RNASEL: variants seen among roughly 807,000 people sequenced by gnomAD.
RNASEL encodes 2-5A-dependent ribonuclease.
Under a neutral mutation model 50.9 loss-of-function variants are expected in RNASEL, and 36 were observed. The observed-to-expected ratio is 0.71, with a 90% CI of 0.54 to 0.93. The LOEUF is 0.93. Among genes scored for constraint, RNASEL ranks in the 40% least tolerant of loss-of-function variants. The probability of loss-of-function intolerance (pLI) is 0.00; values close to 1 mark genes in which losing one functional copy is unlikely to be tolerated. For synonymous variants in RNASEL, 335 were observed against 335.6 expected (o/e 1.00, Z 0.02); for missense variants, 860 against 894.5 (o/e 0.96, Z 0.49).
intron 2 of RNASEL, 98 bp downstream of exon 2, chr1:182,585,229 A>AGGCCTTTT: frequency 8.5e-7 from 1 of 1,179,914 alleles, no homozygotes; most frequent in Non-Finnish European, 1.2e-6. Context: ...AATCATCCAC[A>AGGCCTTTT]TTTACTCTAG....
intron 1 of RNASEL, among the ~76,000 whole-genome samples, chr1:182,588,921 T>G (rs1394622718): frequency 6.6e-6 from 1 of 152,234 alleles, no homozygotes; most frequent in Non-Finnish European, 1.5e-5. Flanking sequence ...TCACTTTCTC[T>G]GTGCGACCTG....
intron 3 of RNASEL, 39 bp downstream of exon 3, chr1:182,584,042 A>C (rs200633805): frequency 6.9e-7 from 1 of 1,452,372 alleles, no homozygotes; most frequent in Non-Finnish European, 9.7e-7. Flanking sequence ...AGAATAAGGA[A>C]GCAGAAAGAA....
chr1:182,575,451 T>G lies in RNASEL; in HGVS notation c.2167A>C (p.Asn723His). 1 of 1,614,158 alleles carries G rather than the reference T, an allele frequency of 6.2e-7. No individual in the cohort carries two copies. Among genetic ancestry groups the G allele is most frequent in the Non-Finnish European group, 8.5e-7 (1 of 1,180,016 alleles). Residue 723 changes from asparagine to histidine, a missense_variant, in exon 7 of 7, where the codon AAC (asparagine) becomes CAC (histidine). Asn to His is a moderately conservative substitution (Grantham distance 68). Transcript: ENST00000367559. ...RKHFPQTHSP[N>H]KPQCDGAGGA... ...CCAGCTCCATCACACTGAGGCTTGT[T>G]TGGACTGTGGGTTTGGGGGAAATGC... is the stretch of plus-strand genomic sequence containing the variant.
Position 182,576,316 on chromosome 1 carries a change from C to A in RNASEL, c.1979G>T (p.Gly660Val), listed in dbSNP as rs952869644. The A allele has an allele frequency of 6.2e-7, 1 of 1,611,712 alleles. No homozygotes were observed. The highest frequency in any genetic ancestry group is 1.3e-5 in the African/African-American group (1 of 74,836). Reference sequence around the variant, plus strand: ...ATTCCGGATGAACTTTAGCAGATCACCCACAGTGTTCTGGTAGAAATTGCC... The same window carrying A: ...ATTCCGGATGAACTTTAGCAGATCAACCACAGTGTTCTGGTAGAAATTGCC... The part of the protein sequence containing the change: ...KRGNFYQNTV[G>V]DLLKFIRNLG... The change falls in exon 6 of 7, where the codon GGT becomes GTT. Residue 660 changes from glycine to valine, a missense_variant. Coordinates refer to ENST00000367559, the MANE Select transcript of RNASEL (RefSeq NM_021133.4).
chr1:182,580,225 C>A (rs1238098428), intron 5 of RNASEL, among the ~76,000 whole-genome samples: 1 of 152,240 alleles, frequency 6.6e-6, no homozygotes, highest in Admixed American at 6.5e-5. Context: ...CATGGCACAT[C>A]TACTCCATGC....
At chr1:182,578,344 G>C (rs1339402217) in intron 5 of RNASEL, 1 of 152,106 alleles carries the variant, frequency 6.6e-6, no homozygotes, top group Non-Finnish European at 1.5e-5. Flanking sequence ...TTTCTCAAAA[G>C]AAGACGTACA....
At chr1:182,582,640 C>T (rs915373665) in intron 3 of RNASEL, among the ~76,000 whole-genome samples, 1 of 152,136 alleles carries the variant, frequency 6.6e-6, no homozygotes, top group Admixed American at 6.5e-5. Context: ...GAGGCTATGT[C>T]ACGCAGCAAA....
At chr1:182,581,465 TTTTC>T (rs1661494679) in intron 4 of RNASEL, 108 bp from the exon 5 acceptor site, 15 of 1,184,504 alleles carry the variant, frequency 1.3e-5, no homozygotes, top group Middle Eastern at 2.8e-4. Flanking sequence ...CTTTCTTGGT[TTTTC>T]TTTCTTTTTT....
chr1:182,576,195 T>C (rs138584961), intron 6 of RNASEL, 61 bp downstream of exon 6: 10 of 1,539,404 alleles, frequency 6.5e-6, no homozygotes, highest in Middle Eastern at 1.8e-4. Context: ...AAACTTAGAA[T>C]TGGATTTTTT....
intron 4 of RNASEL, 47 bp from the exon 5 acceptor site, chr1:182,581,404 C>T: frequency 6.2e-7 from 1 of 1,612,202 alleles, no homozygotes. Context: ...TCCCATCCCT[C>T]CCTTTCCTTT....
At position 182,574,549 on chromosome 1, in the gene RNASEL, A is replaced by G. The variant is rs945888878; in HGVS notation, c.*843T>C. ...CCTTAAGTCAGGTTTTCTCAACCTCAGCACCATTGATATTTTTGTCTGGAT... is the reference window on the plus strand; with the variant it reads ...CCTTAAGTCAGGTTTTCTCAACCTCGGCACCATTGATATTTTTGTCTGGAT... On this transcript the variant is annotated 3_prime_UTR_variant, in exon 7 of 7. Transcript: ENST00000367559. 4.3e-6 allele frequency: 1 copy of G among 232,552 alleles called. No individual in the cohort carries two copies. The highest frequency in any genetic ancestry group is 2.2e-5 in the African/African-American group (1 of 45,288). 14.4% of individuals were successfully genotyped at this position (232,552 alleles called of 1,614,324 possible).
At chr1:182,580,091 C>T (rs186259920) in intron 5 of RNASEL, 13 of 397,108 alleles carry the variant, frequency 3.3e-5, no homozygotes, top group African/African-American at 2.5e-4. Context: ...ACTATGGCTG[C>T]CACATAATCA....
At chr1:182,587,323 A>C (rs950751044) in intron 1 of RNASEL, among the ~76,000 whole-genome samples, 1 of 152,122 alleles carries the variant, frequency 6.6e-6, no homozygotes, top group Non-Finnish European at 1.5e-5. Context: ...ATGACTATGT[A>C]ATATGAAATC....
rs202196654 is a variant in RNASEL, at chr1:182,575,449, G to A, written c.2169C>T (p.Asn723=). 5.6e-6 allele frequency: 9 copies of A among 1,614,202 alleles called. No homozygotes were observed. The East Asian group carries it at 2.0e-4, about 36-fold the overall frequency. The change falls in exon 7 of 7, where the codon AAC becomes AAT. Residue 723 remains asparagine (N), a synonymous_variant. Coordinates refer to ENST00000367559, the MANE Select transcript of RNASEL (RefSeq NM_021133.4). ...CACCAGCTCCATCACACTGAGGCTT[G>A]TTTGGACTGTGGGTTTGGGGGAAAT... The part of the protein sequence containing the change: ...RKHFPQTHSP[N]KPQCDGAGGA...
At chr1:182,576,773 G>A in intron 5 of RNASEL, 1 of 181,600 alleles carries the variant, frequency 5.5e-6, no homozygotes, top group Non-Finnish European at 1.2e-5. Flanking sequence ...TTGGGAGACT[G>A]AGGCAGGAGA....
intron 5 of RNASEL, among the ~76,000 whole-genome samples, chr1:182,580,801 T>C (rs1269817939): frequency 6.6e-6 from 1 of 152,162 alleles, no homozygotes; most frequent in Admixed American, 6.5e-5. Flanking sequence ...TCCTGAGAGC[T>C]GGGCTGTTTA....
intron 3 of RNASEL, among the ~76,000 whole-genome samples, chr1:182,583,633 C>T (rs1361158578): frequency 6.6e-6 from 1 of 151,038 alleles, no homozygotes; most frequent in Non-Finnish European, 1.5e-5. Context: ...TAATCAGCTG[C>T]CAGCATGGCT....
rs775542682 is a variant in RNASEL, at chr1:182,585,617, C to T, written c.1190G>A (p.Gly397Asp). Reference protein sequence around the residue: ...QEVAVKTFCEGSPRAQREVSC... With the variant: ...QEVAVKTFCEDSPRAQREVSC... ...GACTTCCCGCTGTGCACGTGGGCTG[C>T]CCTCACAGAACGTCTTCACAGCTAC... Residue 397 changes from glycine to aspartate, a missense_variant, in exon 2 of 7, where the codon GGC becomes GAC. Gly to Asp is a moderately conservative substitution (Grantham distance 94, BLOSUM62 -1). Coordinates refer to ENST00000367559, the MANE Select transcript of RNASEL (RefSeq NM_021133.4). 6.2e-7 allele frequency: 1 copy of T among 1,614,172 alleles called. No homozygotes were observed. Among genetic ancestry groups the T allele is most frequent in the South Asian group, 1.1e-5 (1 of 91,084 alleles).
Position 182,575,557 on chromosome 1 carries a change from G to T in RNASEL, c.2061C>A (p.Asp687Glu), listed in dbSNP as rs879531038. Residue 687 changes from aspartate to glutamate, a missense_variant, in exon 7 of 7, where the codon GAC becomes GAA. Asp to Glu is a conservative substitution (Grantham distance 45). Coordinates refer to ENST00000367559, the MANE Select transcript of RNASEL (RefSeq NM_021133.4). The part of the protein sequence containing the change: ...KHKKMKLKIG[D>E]PSLYFQKTFP... ...ATGTCTTCTGAAAATACAGGGAAGG[G>T]TCTCCAATTTTTAATTTCATCCTGA... 5 of 1,614,018 alleles carry T rather than the reference G, an allele frequency of 3.1e-6. No homozygotes were observed. Among genetic ancestry groups the T allele is most frequent in the Non-Finnish European group, 3.4e-6 (4 of 1,180,028 alleles).
Sources: allele counts gnomAD v4.1 joint callset (sites outside exome capture counted in the v4.1 genomes callset), GRCh38; gene constraint gnomAD v4.1.1; transcripts MANE v1.5; gene names NCBI Gene and HGNC (gene_info 2026-07-23, HGNC 2026-07-21).